Variants in FANCL observed in about 807,000 individuals in gnomAD.
FANCL encodes the protein E3 ubiquitin-protein ligase FANCL.
A neutral mutation model predicts 59.4 loss-of-function variants in FANCL; 69 were observed. The observed-to-expected ratio is 1.16, with a 90% CI of 0.96 to 1.42. The LOEUF is 1.42. Among genes scored for constraint, FANCL ranks in the 40% most tolerant of loss-of-function variants. FANCL has a pLI of 0.00. For synonymous variants in FANCL, 180 were observed against 147.1 expected (o/e 1.22, Z -1.62); for missense variants, 519 against 447.2 (o/e 1.16, Z -1.45).
At chr2:58,172,697 C>T (rs139073468) in intron 7 of FANCL, among the ~76,000 whole-genome samples, 2,602 of 152,166 alleles carry the variant, frequency 0.017, 27 homozygotes, top group Middle Eastern at 0.037. Flanking sequence ...AAAAACAGAC[C>T]AGAAAAACTG....
intron 7 of FANCL, among the ~76,000 whole-genome samples, chr2:58,193,605 G>A (rs543719663): frequency 1.1e-4 from 17 of 152,102 alleles, no homozygotes; most frequent in African/African-American, 3.9e-4. Flanking sequence ...CAGTAAGACT[G>A]CCAACAAAGA....
At chr2:58,206,935 T>C (rs141709023) in intron 5 of FANCL, among the ~76,000 whole-genome samples, 3 of 152,334 alleles carry the variant, frequency 2.0e-5, no homozygotes, top group East Asian at 1.9e-4. Context: ...GCGACCTTGA[T>C]TGTCAATTGC....
chr2:58,219,158 A>ATATATATATATAT (rs1692168357), intron 5 of FANCL, among the ~76,000 whole-genome samples: 1 of 97,856 alleles, frequency 1.0e-5, no homozygotes, highest in African/African-American at 5.8e-5. Flanking sequence ...AAAAAAAAAA[A>ATATATATATATAT]AAAAAAAAAA....
chr2:58,177,481 G>C (rs1687455323), intron 7 of FANCL, among the ~76,000 whole-genome samples: 2 of 151,874 alleles, frequency 1.3e-5, no homozygotes, highest in African/African-American at 4.8e-5. Context: ...GTCCTTTGTA[G>C]GGACATGGAT....
intron 4 of FANCL, among the ~76,000 whole-genome samples, chr2:58,223,034 T>C (rs1692637193): frequency 6.6e-6 from 1 of 151,364 alleles, no homozygotes; most frequent in Admixed American, 6.6e-5. Flanking sequence ...TAGGACACTA[T>C]CAAATTGAGA....
At chr2:58,235,907 G>A (rs1211883486) in intron 1 of FANCL, among the ~76,000 whole-genome samples, 1 of 151,684 alleles carries the variant, frequency 6.6e-6, no homozygotes, top group African/African-American at 2.4e-5. Context: ...GAAGGTATTA[G>A]TATACCTGAA....
In FANCL at chr2:58,203,699, T is replaced by C. The variant is rs903874119; in HGVS notation, c.471+431A>G. On this transcript the variant is annotated intron_variant, in intron 6 of 13. Transcript: ENST00000233741. ...CAAACTATAAAAAAGTATGCATATA[T>C]GTTGTTTGTGTTAGGGAGTGGGGAT... 2.6e-5 allele frequency among the ~76,000 whole-genome samples: 4 copies of C among 152,002 alleles called. No individual in the cohort carries two copies. The East Asian group carries it at 5.8e-4, about 22-fold the overall frequency.
chr2:58,173,907 A>C (rs1341770802), intron 7 of FANCL, among the ~76,000 whole-genome samples: 1 of 152,140 alleles, frequency 6.6e-6, no homozygotes, highest in Admixed American at 6.5e-5. Flanking sequence ...ACAAGCAGAG[A>C]CACACATAGG....
At chr2:58,173,758 A>G (rs1248514636) in intron 7 of FANCL, among the ~76,000 whole-genome samples, 1 of 152,188 alleles carries the variant, frequency 6.6e-6, no homozygotes, top group Non-Finnish European at 1.5e-5. Flanking sequence ...CTAACATCAT[A>G]ATGACAGGAT....
In FANCL at chr2:58,162,925, G is replaced by T. The variant is rs141444545; in HGVS notation, c.844C>A (p.Gln282Lys). ...HLWDPENSVLQNLKDVLEIDF... is the reference protein window; with the variant it reads ...HLWDPENSVLKNLKDVLEIDF... ...ATTTCTAAAACATCTTTCAAATTTT[G>T]TAACACACTATTTTCTGGATCCCTG... Residue 282 changes from glutamine to lysine, a missense_variant, in exon 11 of 14, where the codon CAA (glutamine) becomes AAA (lysine). Transcript: ENST00000233741. 1 of 1,612,650 alleles carries T rather than the reference G, an allele frequency of 6.2e-7. No individual in the cohort carries two copies. Among genetic ancestry groups the T allele is most frequent in the African/African-American group, 1.3e-5 (1 of 74,768 alleles).
chr2:58,176,094 G>C (rs1356509083), intron 7 of FANCL, among the ~76,000 whole-genome samples: 1 of 151,108 alleles, frequency 6.6e-6, no homozygotes, highest in Admixed American at 6.6e-5. Flanking sequence ...ACCTCTTCAA[G>C]GAGAACTACA....
At chr2:58,203,820 G>A (rs896614533) in intron 6 of FANCL, among the ~76,000 whole-genome samples, 3 of 152,004 alleles carry the variant, frequency 2.0e-5, no homozygotes, top group African/African-American at 7.2e-5. Context: ...AGTGTCCACT[G>A]TCTTCTACAT....
intron 7 of FANCL, among the ~76,000 whole-genome samples, chr2:58,170,130 C>G (rs932229917): frequency 6.6e-6 from 1 of 152,094 alleles, no homozygotes; most frequent in African/African-American, 2.4e-5. Context: ...TAAGGGCAGC[C>G]AGAGACAAAG....
chr2:58,197,113 T>C (rs527828992), intron 7 of FANCL, among the ~76,000 whole-genome samples: 313 of 151,710 alleles, frequency 2.1e-3, no homozygotes, highest in African/African-American at 7.2e-3. Flanking sequence ...TTCTCTATTT[T>C]GCTATGTTTT....
intron 7 of FANCL, among the ~76,000 whole-genome samples, chr2:58,195,151 T>C (rs1191285776): frequency 1.3e-5 from 2 of 152,112 alleles, no homozygotes; most frequent in Non-Finnish European, 2.9e-5. Flanking sequence ...ACAAGCAGAA[T>C]TGTTTTCAGC....
chr2:58,235,435 C>T (rs1024327796), intron 1 of FANCL, among the ~76,000 whole-genome samples: 1 of 152,108 alleles, frequency 6.6e-6, no homozygotes, highest in Non-Finnish European at 1.5e-5. Context: ...AGACTAACTA[C>T]CTTAGACTAA....
chr2:58,208,853 A>G (rs1280216645), intron 5 of FANCL, among the ~76,000 whole-genome samples: 1 of 152,194 alleles, frequency 6.6e-6, no homozygotes, highest in African/African-American at 2.4e-5. Context: ...CTTGCTCAAA[A>G]ATATTCAATG....
chr2:58,196,270 G>T (rs535984291), intron 7 of FANCL, among the ~76,000 whole-genome samples: 2 of 151,960 alleles, frequency 1.3e-5, no homozygotes, highest in South Asian at 4.2e-4. Flanking sequence ...CAGAAAAGGG[G>T]GTCAGGTCTT....
chr2:58,219,004 C>G (rs1377657809), intron 5 of FANCL, among the ~76,000 whole-genome samples: 2 of 149,798 alleles, frequency 1.3e-5, no homozygotes, highest in Non-Finnish European at 3.0e-5. Context: ...GCAACAAGCA[C>G]CCATAGTGCC....
Sources: gnomAD v4.1 joint callset for allele counts (sites outside exome capture counted in the v4.1 genomes callset) on GRCh38, gnomAD v4.1.1 for gene constraint, MANE v1.5 for transcripts, NCBI Gene and HGNC (gene_info 2026-07-23, HGNC 2026-07-21) for gene names.